ODAD2: variants seen among roughly 807,000 people sequenced by gnomAD.
The protein encoded by ODAD2 is outer dynein arm docking complex subunit 2.
In ODAD2, 89 loss-of-function variants were observed where a neutral mutation model predicts 106.8. That is an observed-to-expected ratio of 0.83 (90% CI 0.70 to 0.99). The LOEUF (loss-of-function observed/expected upper bound fraction) is 0.99, where lower values mean the gene tolerates loss of function less well. ODAD2 is among the 50% of genes least tolerant of loss of function. ODAD2 has a pLI of 0.00. For missense variants in ODAD2, 1,168 were observed against 1,238.5 expected (o/e 0.94, Z 0.85); for synonymous variants, 404 against 436.2 (o/e 0.93, Z 0.92).
intron 17 of ODAD2, among the ~76,000 whole-genome samples, chr10:27,885,654 ATAATATATTATATATAAAAT>A (rs1183745434): frequency 1.6e-5 from 1 of 62,298 alleles, no homozygotes; most frequent in East Asian, 5.0e-4. Context: ...TATATTATAT[ATAATATATTATATATAAAAT>A]ATATATAATA....
chr10:27,876,589 T>G (rs1841354915), intron 17 of ODAD2, among the ~76,000 whole-genome samples: 1 of 152,174 alleles, frequency 6.6e-6, no homozygotes, highest in Non-Finnish European at 1.5e-5. Flanking sequence ...TAACTCAACT[T>G]TTAATAGCAG....
chr10:27,843,683 G>A (rs1161619005), intron 19 of ODAD2, among the ~76,000 whole-genome samples: 3 of 151,678 alleles, frequency 2.0e-5, no homozygotes, highest in Non-Finnish European at 1.5e-5. Flanking sequence ...CAGAAGAATT[G>A]CTTGAACCTG....
chr10:27,880,133 C>A (rs2133552589), intron 17 of ODAD2, among the ~76,000 whole-genome samples: 1 of 152,206 alleles, frequency 6.6e-6, no homozygotes, highest in African/African-American at 2.4e-5. Context: ...AGCTGAAATC[C>A]CTGTATCTTT....
chr10:27,852,342 A>G (rs1839318511), intron 19 of ODAD2, among the ~76,000 whole-genome samples: 1 of 152,216 alleles, frequency 6.6e-6, no homozygotes, highest in South Asian at 2.1e-4. Flanking sequence ...AACAAGAACA[A>G]TACAGTTGAG....
intron 9 of ODAD2, among the ~76,000 whole-genome samples, chr10:27,966,960 C>T (rs898740361): frequency 2.0e-5 from 3 of 147,228 alleles, no homozygotes; most frequent in South Asian, 2.3e-4. Context: ...CTCAACACAG[C>T]GGTGCATTCC....
chr10:27,971,556 G>C (rs1356982717), intron 7 of ODAD2, among the ~76,000 whole-genome samples: 1 of 152,090 alleles, frequency 6.6e-6, no homozygotes, highest in East Asian at 1.9e-4. Flanking sequence ...TGCAAGGCTG[G>C]ACCTGCTCAT....
At chr10:27,895,528 A>G (rs532643490) in intron 17 of ODAD2, among the ~76,000 whole-genome samples, 2 of 152,258 alleles carry the variant, frequency 1.3e-5, no homozygotes, top group South Asian at 2.1e-4. Flanking sequence ...GCTTCCAGCT[A>G]TTCACCCGCC....
At chr10:27,902,944 T>G (rs1426209329) in intron 17 of ODAD2, among the ~76,000 whole-genome samples, 1 of 152,098 alleles carries the variant, frequency 6.6e-6, no homozygotes, top group Non-Finnish European at 1.5e-5. Flanking sequence ...CCTTACTCAT[T>G]TTATGAGACC....
At chr10:27,950,431 C>A (rs1299893420) in intron 10 of ODAD2, among the ~76,000 whole-genome samples, 1 of 152,050 alleles carries the variant, frequency 6.6e-6, no homozygotes, top group Non-Finnish European at 1.5e-5. Context: ...CTCAACAGAA[C>A]CCTGAGGAGA....
rs750518822 is a variant in ODAD2, at chr10:27,935,064, AG to A, written c.2440del (p.Val815Ter). The A allele has an allele frequency of 6.2e-7, 1 of 1,613,848 alleles. No individual in the cohort carries two copies. Among genetic ancestry groups the A allele is most frequent in the African/African-American group, 1.3e-5 (1 of 74,904 alleles). Reference sequence around the variant, plus strand: ...ACCAACTGCTTTTGTAACATTCACAAGAAGAGCTTGGTTTATTCCAACAAGG... The same window carrying A: ...ACCAACTGCTTTTGTAACATTCACAAAAGAGCTTGGTTTATTCCAACAAGG... ...NLLVGINQAL[L>X]VNVTKAVGAC... On this transcript the variant is annotated frameshift_variant, in exon 16 of 20. Coordinates refer to ENST00000305242, the MANE Select transcript of ODAD2 (RefSeq NM_018076.5). LOFTEE classifies it high-confidence loss of function.
At chr10:27,885,724 T>C (rs1842120451) in intron 17 of ODAD2, among the ~76,000 whole-genome samples, 1 of 38,122 alleles carries the variant, frequency 2.6e-5, no homozygotes, top group Non-Finnish European at 5.3e-5. Flanking sequence ...TTATATATTA[T>C]ATATAAAATA....
intron 2 of ODAD2, among the ~76,000 whole-genome samples, chr10:27,993,974 A>ATATATGTGTG (rs369833558): frequency 0.01 from 1,410 of 140,586 alleles, 12 homozygotes; most frequent in Middle Eastern, 0.025. Context: ...ATATATATAT[A>ATATATGTGTG]TGTGTGTGTG....
chr10:27,862,433 C>T lies in ODAD2; in HGVS notation c.2799+1G>A, dbSNP rs2133342065. ...GTAAAACAAAAAGATGTGTTACTTA[C>T]TGTATTTGCCAGTTTGGACAATAAA... On this transcript the variant is annotated splice_donor_variant, in intron 18 of 19. Coordinates refer to ENST00000305242, the MANE Select transcript of ODAD2 (RefSeq NM_018076.5). LOFTEE classifies it high-confidence loss of function. 6.2e-7 allele frequency: 1 copy of T among 1,601,298 alleles called. No individual in the cohort carries two copies. Among genetic ancestry groups the T allele is most frequent in the South Asian group, 1.1e-5 (1 of 88,254 alleles).
At chr10:27,907,591 G>A (rs1272911168) in intron 17 of ODAD2, 72 bp downstream of exon 17, 2 of 997,598 alleles carry the variant, frequency 2.0e-6, no homozygotes, top group Non-Finnish European at 3.1e-6. Context: ...AAAGCAATTA[G>A]TAACCTGTGG....
intron 19 of ODAD2, among the ~76,000 whole-genome samples, chr10:27,850,395 A>C (rs1284408649): frequency 6.8e-6 from 1 of 146,078 alleles, no homozygotes; most frequent in Admixed American, 7.1e-5. Flanking sequence ...CAGTGAGCTG[A>C]GATCACACCA....
At chr10:27,959,483 C>A (rs1358540608) in intron 10 of ODAD2, among the ~76,000 whole-genome samples, 1 of 151,944 alleles carries the variant, frequency 6.6e-6, no homozygotes, top group African/African-American at 2.4e-5. Context: ...CAAGCGTGGC[C>A]TAAATGTCCC....
chr10:27,822,820 C>T (rs1836716798), intron 19 of ODAD2, among the ~76,000 whole-genome samples: 1 of 152,204 alleles, frequency 6.6e-6, no homozygotes, highest in Non-Finnish European at 1.5e-5. Flanking sequence ...AGGTCCATGT[C>T]TGCAAAACTT....
At chr10:27,973,660 C>A (rs1011091869) in intron 7 of ODAD2, among the ~76,000 whole-genome samples, 1 of 152,046 alleles carries the variant, frequency 6.6e-6, no homozygotes, top group Non-Finnish European at 1.5e-5. Flanking sequence ...CATATATGTA[C>A]CACATTTTCT....
chr10:27,886,250 A>T (rs1268848758), intron 17 of ODAD2, among the ~76,000 whole-genome samples: 1 of 151,904 alleles, frequency 6.6e-6, no homozygotes, highest in Non-Finnish European at 1.5e-5. Flanking sequence ...TGAAAGACAA[A>T]GACAGGTTCT....
Sources: gnomAD v4.1 joint callset for allele counts (sites outside exome capture counted in the v4.1 genomes callset) on GRCh38, gnomAD v4.1.1 for gene constraint, MANE v1.5 for transcripts, NCBI Gene and HGNC (gene_info 2026-07-23, HGNC 2026-07-21) for gene names.